TNNI1: variants seen among roughly 807,000 people sequenced by gnomAD.
TNNI1 encodes the protein troponin I, slow skeletal muscle.
In TNNI1, 14 loss-of-function variants were observed where a neutral mutation model predicts 26.7. The ratio of observed to expected loss-of-function variants is 0.52; its 90% CI spans 0.35 to 0.82. TNNI1 has a LOEUF of 0.82. Ranked by LOEUF, TNNI1 falls within the 40% of genes least tolerant of loss-of-function variation. The pLI, the probability that TNNI1 is intolerant of heterozygous loss-of-function variation, is 0.01. For missense variants in TNNI1, 164 were observed against 257.0 expected (o/e 0.64, Z 2.47); for synonymous variants, 79 against 98.2 (o/e 0.80, Z 1.16).
chr1:201,420,051 G>A (rs946160276), intron 1 of TNNI1, among the ~76,000 whole-genome samples: 10 of 152,216 alleles, frequency 6.6e-5, no homozygotes, highest in African/African-American at 2.4e-4. Flanking sequence ...AGGGCACCAG[G>A]TCTGCGTCTG....
At position 201,411,084 on chromosome 1, in the gene TNNI1, T is replaced by C. The variant is rs1289553307; in HGVS notation, c.456+273A>G. On this transcript the variant is annotated intron_variant, in intron 7 of 8. Transcript: ENST00000361379. The surrounding 1 kb of genome is among the most constrained non-coding windows in gnomAD (Gnocchi z 4.6). ...CTAAATCTCCACATTATCTTCACAC[T>C]GGGAACAAGATTTTTACTTCATTTC... Among the ~76,000 whole-genome samples the C allele has an allele frequency of 6.6e-6, 1 of 152,218 alleles. No homozygotes were observed. The highest frequency in any genetic ancestry group is 1.5e-5 in the Non-Finnish European group (1 of 68,034).
At chr1:201,415,093 A>G (rs967052162) in intron 4 of TNNI1, 120 bp downstream of exon 4, 1 of 911,750 alleles carries the variant, frequency 1.1e-6, no homozygotes, top group Admixed American at 2.1e-5. Flanking sequence ...GCCCCTCATC[A>G]TCCTCACTCT....
chr1:201,413,103 G>C lies in TNNI1; in HGVS notation c.208C>G (p.His70Asp), dbSNP rs1662666446. Residue 70 changes from histidine (H) to aspartate (D), a missense_variant, in exon 6 of 9, where the codon CAC (histidine) becomes GAC (aspartate). Physicochemically the swap from His to Asp is moderately conservative, Grantham distance 81. Transcript: ENST00000361379. ...TCATCCACCACCTCCACCTTGGCGT[G>C]CAGCTCCCGGCACAGGTCCTGGGGG... ...SALQDLCREL[H>D]AKVEVVDEER... The C allele has an allele frequency of 2.5e-6, 4 of 1,614,006 alleles. No individual in the cohort carries two copies. The highest frequency in any genetic ancestry group is 3.4e-6 in the Non-Finnish European group (4 of 1,179,950).
chr1:201,415,230 G>C lies in TNNI1; in HGVS notation c.40C>G (p.Arg14Gly). ...AGCCTCACCTTCAGCAAGAGTTTGC[G>C]GGAGGCAGTGATCTTGGGTTTTCTC... ...VERKPKITAS[R>G]KLLLKSLMLA... is the part of the protein sequence containing the mutation. Residue 14 changes from arginine to glycine, a missense_variant, in exon 4 of 9, where the codon CGC becomes GGC. This residue lies in a region of TNNI1 where 117 missense variants were observed against 158.7 expected (regional missense o/e 0.74). Transcript: ENST00000361379. 1 of 1,614,048 alleles carries C rather than the reference G, an allele frequency of 6.2e-7. No homozygotes were observed. Among genetic ancestry groups the C allele is most frequent in the Non-Finnish European group, 8.5e-7 (1 of 1,179,998 alleles).
rs1662486835 is a variant in TNNI1, at chr1:201,404,871, T to C, written c.*4382A>G. On this transcript the variant is annotated 3_prime_UTR_variant, in exon 9 of 9. Coordinates refer to ENST00000361379, the MANE Select transcript of TNNI1 (RefSeq NM_003281.4). ...CACGCATACACACCATGCTCACCCC[T>C]TCTGATGAACAGGCACAAGCGTTCA... is the stretch of plus-strand genomic sequence containing the variant. The C allele has an allele frequency of 6.6e-6, 1 of 152,264 alleles. No individual in the cohort carries two copies. Among genetic ancestry groups the C allele is most frequent in the Non-Finnish European group, 1.5e-5 (1 of 68,042 alleles). The allele number at this position is 152,264 out of a possible 1,614,324, so 9.4% of individuals were successfully genotyped here.
intron 7 of TNNI1, among the ~76,000 whole-genome samples, chr1:201,410,877 C>A (rs1167613154): frequency 1.3e-5 from 2 of 152,258 alleles, no homozygotes; most frequent in Non-Finnish European, 2.9e-5. Context: ...TCCTTCATCC[C>A]TGTTCCTTAC....
Position 201,411,042 on chromosome 1 carries a change from T to A in TNNI1, c.456+315A>T, listed in dbSNP as rs1176251766. ...TCCTTTCCCTGTGGTGACCAGGCAGTCATCTCCACCATTACCCTAAATCTC... is the reference window on the plus strand; with the variant it reads ...TCCTTTCCCTGTGGTGACCAGGCAGACATCTCCACCATTACCCTAAATCTC... On this transcript the variant is annotated intron_variant, in intron 7 of 8. Transcript: ENST00000361379. The surrounding 1 kb of genome is among the most constrained non-coding windows in gnomAD (Gnocchi z 4.6). 6.6e-6 allele frequency among the ~76,000 whole-genome samples: 1 copy of A among 152,222 alleles called. No individual in the cohort carries two copies. Among genetic ancestry groups the A allele is most frequent in the Non-Finnish European group, 1.5e-5 (1 of 68,040 alleles).
intron 5 of TNNI1, among the ~76,000 whole-genome samples, chr1:201,413,815 A>C (rs1272903109): frequency 1.3e-5 from 2 of 151,928 alleles, no homozygotes; most frequent in African/African-American, 4.8e-5. Context: ...TGACCCTCCC[A>C]TCTCATTTTT....
intron 5 of TNNI1, among the ~76,000 whole-genome samples, chr1:201,414,276 C>T (rs1436102586): frequency 2.0e-5 from 3 of 152,226 alleles, no homozygotes; most frequent in Admixed American, 6.5e-5. Context: ...GAAGCTGGGC[C>T]GCCCAGCCCA....
In TNNI1 at chr1:201,410,479, C is replaced by T. The variant is rs540605657; in HGVS notation, c.457-44G>A. On this transcript the variant is annotated intron_variant, in intron 7 of 8. Coordinates refer to ENST00000361379, the MANE Select transcript of TNNI1 (RefSeq NM_003281.4). Reference sequence around the variant, plus strand: ...CACATCAGGGACTTACCAGGCTGGACGGCCCCCCAGCTCAAGAGAAGCTGG... The same window carrying T: ...CACATCAGGGACTTACCAGGCTGGATGGCCCCCCAGCTCAAGAGAAGCTGG... 1.4e-5 allele frequency: 22 copies of T among 1,557,602 alleles called. 1 individual carries two copies. The highest frequency in any genetic ancestry group is 1.0e-4 in the South Asian group (9 of 89,720).
chr1:201,413,360 G>A (rs1035844038), intron 5 of TNNI1, among the ~76,000 whole-genome samples: 12 of 152,216 alleles, frequency 7.9e-5, no homozygotes, highest in African/African-American at 2.7e-4. Context: ...CCCAGGAGGC[G>A]GAGGTTGCAG....
rs1232429345 is a variant in TNNI1, at chr1:201,405,869, CAG to C, written c.*3382_*3383del. On this transcript the variant is annotated 3_prime_UTR_variant, in exon 9 of 9. Transcript: ENST00000361379. The stretch of plus-strand genomic sequence containing the variant: ...GCACCAGGCCCATCTCCACCAGCTG[CAG>C]AGAGAGGGGGTGCCCACCCAGCTAT... 2 of 152,376 alleles carry C rather than the reference CAG, an allele frequency of 1.3e-5. No homozygotes were observed. Among genetic ancestry groups the C allele is most frequent in the African/African-American group, 4.8e-5 (2 of 41,452 alleles). The allele number at this position is 152,376 out of a possible 1,614,324, so 9.4% of individuals were successfully genotyped here.
At chr1:201,421,620 G>A (rs1662858381) in intron 1 of TNNI1, 53 bp downstream of exon 1, 1 of 152,212 alleles carries the variant, frequency 6.6e-6, no homozygotes, top group Non-Finnish European at 1.5e-5. Flanking sequence ...AAAGCCCCAG[G>A]TTCTCTGCCT....
rs1662471500 is a variant in TNNI1 at position 201,404,124 on chromosome 1, A to G, written c.*5129T>C. 1 of 152,180 alleles carries G rather than the reference A, an allele frequency of 6.6e-6. No individual in the cohort carries two copies. The highest frequency in any genetic ancestry group is 1.5e-5 in the Non-Finnish European group (1 of 68,034). 9.4% of individuals were successfully genotyped at this position (152,180 alleles called of 1,614,324 possible). ...CAGGGAATTTCAAGATTTTTCAGCC[A>G]GTGGTTGGGCAAGGGGTCATCTCTC... On this transcript the variant is annotated 3_prime_UTR_variant, in exon 9 of 9. Coordinates refer to ENST00000361379, the MANE Select transcript of TNNI1 (RefSeq NM_003281.4).
rs1248906378 is a variant in TNNI1 at position 201,414,584 on chromosome 1, C to T, written c.123G>A (p.Lys41=). 5.0e-6 allele frequency: 8 copies of T among 1,613,868 alleles called. No individual in the cohort carries two copies. Among genetic ancestry groups the T allele is most frequent in the Non-Finnish European group, 5.9e-6 (7 of 1,179,988 alleles). The change falls in exon 5 of 9, where the codon AAG becomes AAA. Residue 41 remains lysine (K), a synonymous_variant. Transcript: ENST00000361379. Reference sequence around the variant, plus strand: ...GGATGCGCTCTGCCAGGTAGCGCACCTTCTCAGCCTCGCGCTCCTCGTGCT... The same window carrying T: ...GGATGCGCTCTGCCAGGTAGCGCACTTTCTCAGCCTCGCGCTCCTCGTGCT... ...EQEHEEREAE[K]VRYLAERIPT...
intron 2 of TNNI1, 119 bp downstream of exon 2, chr1:201,417,664 C>T: frequency 4.8e-6 from 4 of 834,762 alleles, no homozygotes; most frequent in Non-Finnish European, 5.0e-6. Flanking sequence ...TGTTTGAGGA[C>T]CTGGTCTCTT....
intron 2 of TNNI1, 82 bp from the exon 3 acceptor site, chr1:201,417,201 G>T: frequency 6.3e-7 from 1 of 1,586,876 alleles, no homozygotes; most frequent in South Asian, 1.1e-5. Context: ...ATGTGCAGTC[G>T]CAGAACCTCA....
intron 2 of TNNI1, 95 bp from the exon 3 acceptor site, chr1:201,417,214 G>T: frequency 1.3e-6 from 2 of 1,547,404 alleles, no homozygotes; most frequent in South Asian, 1.1e-5. Context: ...GAACCTCACA[G>T]ACCAGCTTGG....
intron 1 of TNNI1, among the ~76,000 whole-genome samples, chr1:201,419,062 C>A (rs915952695): frequency 6.6e-6 from 1 of 152,038 alleles, no homozygotes; most frequent in Admixed American, 6.6e-5. Flanking sequence ...TACAACAAAC[C>A]TCCATGACAC....
Sources: gnomAD v4.1 joint callset for allele counts (sites outside exome capture counted in the v4.1 genomes callset) on GRCh38, gnomAD v4.1.1 for gene constraint, gnomAD v4.1.1 regional missense constraint, Gnocchi (gnomAD v3.1) non-coding constraint, MANE v1.5 for transcripts, NCBI Gene and HGNC (gene_info 2026-07-23, HGNC 2026-07-21) for gene names.